GLIS3: variants seen among roughly 807,000 people sequenced by gnomAD.
GLIS3 encodes the protein zinc finger protein GLIS3.
GLIS3 carries 53 observed loss-of-function variants against 78.6 expected under a neutral mutation model. That is an observed-to-expected ratio of 0.67 (90% confidence interval 0.54 to 0.85). The LOEUF (loss-of-function observed/expected upper bound fraction) is 0.85, where lower values mean the gene tolerates loss of function less well. Ranked by LOEUF, GLIS3 falls within the 40% of genes least tolerant of loss-of-function variation. GLIS3 has a pLI of 0.00. For missense variants in GLIS3, 1,703 were observed against 1,231.1 expected (o/e 1.38, Z -5.74); for synonymous variants, 684 against 509.9 (o/e 1.34, Z -4.60).
intron 7 of GLIS3, 122 bp from the exon 8 acceptor site, chr9:3,879,717 A>T: frequency 9.8e-7 from 1 of 1,024,278 alleles, no homozygotes; most frequent in Non-Finnish European, 1.5e-6. Context: ...AGTGGTTTTC[A>T]GGGAACAGTT....
chr9:4,198,551 G>A (rs975528237), intron 2 of GLIS3, among the ~76,000 whole-genome samples: 40 of 152,102 alleles, frequency 2.6e-4, no homozygotes, highest in African/African-American at 9.6e-4. Flanking sequence ...GAGAAATATG[G>A]GATTATGTAA....
intron 2 of GLIS3, among the ~76,000 whole-genome samples, chr9:4,208,093 G>A (rs746835207): frequency 6.6e-6 from 1 of 152,196 alleles, no homozygotes; most frequent in Non-Finnish European, 1.5e-5. Flanking sequence ...CCAAGAGCAG[G>A]CCTAACCAGG....
chr9:4,013,693 T>G (rs2130064976), intron 4 of GLIS3, among the ~76,000 whole-genome samples: 1 of 152,308 alleles, frequency 6.6e-6, no homozygotes, highest in South Asian at 2.1e-4. Context: ...TTTTCTTCAC[T>G]TTTCCAGTCA....
chr9:3,967,011 C>A (rs200539096), intron 4 of GLIS3, among the ~76,000 whole-genome samples: 5,376 of 29,142 alleles, frequency 0.18, 202 homozygotes, highest in Admixed American at 0.24. Context: ...TTTCTTTCTG[C>A]AAAAAAAAAA....
At chr9:3,958,955 T>A (rs1240120412) in intron 4 of GLIS3, among the ~76,000 whole-genome samples, 3 of 152,236 alleles carry the variant, frequency 2.0e-5, no homozygotes, top group African/African-American at 7.2e-5. Flanking sequence ...GAAGTCTGGA[T>A]TAATCTTCAG....
intron 4 of GLIS3, among the ~76,000 whole-genome samples, chr9:4,014,474 G>A (rs1563949016): frequency 6.6e-6 from 1 of 152,100 alleles, no homozygotes; most frequent in Non-Finnish European, 1.5e-5. Flanking sequence ...TATAAGAAGA[G>A]GAGAGACACA....
chr9:4,026,152 G>A (rs1823323678), intron 4 of GLIS3, among the ~76,000 whole-genome samples: 2 of 152,182 alleles, frequency 1.3e-5, no homozygotes, highest in African/African-American at 4.8e-5. Flanking sequence ...GATTATAAAT[G>A]CACAGGTATT....
At chr9:4,081,181 G>A (rs146013747) in intron 4 of GLIS3, 19 of 152,302 alleles carry the variant, frequency 1.2e-4, no homozygotes, top group African/African-American at 4.6e-4. Flanking sequence ...TGTGCTAGAG[G>A]GAAGCATGAC....
At chr9:4,259,189 G>A (rs1168936308) in intron 2 of GLIS3, among the ~76,000 whole-genome samples, 3 of 152,104 alleles carry the variant, frequency 2.0e-5, no homozygotes, top group Admixed American at 6.6e-5. Flanking sequence ...CTGGTAATAT[G>A]GAGAAACTTC....
chr9:3,840,655 C>T (rs573009585), intron 9 of GLIS3, among the ~76,000 whole-genome samples: 8 of 152,210 alleles, frequency 5.3e-5, no homozygotes, highest in African/African-American at 4.8e-5. Flanking sequence ...GAACCCATGA[C>T]AGTGGTTCAA....
chr9:4,453,230 A>G, the GLIS3 span, among the ~76,000 whole-genome samples: 1 of 151,936 alleles, frequency 6.6e-6, no homozygotes, highest in Non-Finnish European at 1.5e-5. Flanking sequence ...CCTAGGCAGT[A>G]CCATTCAGGA....
At chr9:4,343,365 G>C (rs1817861012) in intron 2 of GLIS3, among the ~76,000 whole-genome samples, 1 of 151,906 alleles carries the variant, frequency 6.6e-6, no homozygotes, top group Admixed American at 6.5e-5. Flanking sequence ...AAAACAATGA[G>C]ATACTATCTC....
the GLIS3 span, among the ~76,000 whole-genome samples, chr9:4,411,233 C>A: frequency 6.6e-6 from 1 of 152,218 alleles, no homozygotes; most frequent in South Asian, 2.1e-4. Context: ...TACTGTGAAA[C>A]CTTCACTCCT....
At chr9:3,895,375 T>C (rs1451479694) in intron 7 of GLIS3, among the ~76,000 whole-genome samples, 2 of 152,192 alleles carry the variant, frequency 1.3e-5, no homozygotes, top group East Asian at 3.9e-4. Flanking sequence ...GGCCTGCTTA[T>C]TGCTGCCTTG....
intron 3 of GLIS3, among the ~76,000 whole-genome samples, chr9:4,309,644 G>A (rs970640291): frequency 6.6e-6 from 1 of 152,200 alleles, no homozygotes; most frequent in Non-Finnish European, 1.5e-5. Flanking sequence ...TTTCTATTTT[G>A]ATGACTGATT....
At chr9:3,987,040 C>T (rs955518230) in intron 4 of GLIS3, among the ~76,000 whole-genome samples, 4 of 152,144 alleles carry the variant, frequency 2.6e-5, no homozygotes, top group African/African-American at 9.7e-5. Context: ...GATTTTAAAG[C>T]AGCTGTCATA....
intron 4 of GLIS3, among the ~76,000 whole-genome samples, chr9:4,079,633 G>C (rs1442048925): frequency 6.6e-6 from 1 of 151,970 alleles, no homozygotes; most frequent in Non-Finnish European, 1.5e-5. Flanking sequence ...CATGTCCCCA[G>C]TGCTGGGAAG....
At chr9:3,937,372 C>T (rs1825957292) in intron 4 of GLIS3, among the ~76,000 whole-genome samples, 183 bp from the exon 5 acceptor site, 1 of 152,126 alleles carries the variant, frequency 6.6e-6, no homozygotes, top group Non-Finnish European at 1.5e-5. Context: ...CTGCATTTTT[C>T]CACTGAATAT....
At chr9:4,192,020 C>A in intron 2 of GLIS3, among the ~76,000 whole-genome samples, 1 of 151,764 alleles carries the variant, frequency 6.6e-6, no homozygotes, top group Non-Finnish European at 1.5e-5. Flanking sequence ...ACATTTGATT[C>A]TCAAAAAAGG....
Sources: allele counts gnomAD v4.1 joint callset (sites outside exome capture counted in the v4.1 genomes callset), GRCh38; gene constraint gnomAD v4.1.1; transcripts MANE v1.5; gene names NCBI Gene and HGNC (gene_info 2026-07-23, HGNC 2026-07-21).